FRMD4B: variants seen among roughly 807,000 people sequenced by gnomAD.
FRMD4B encodes the protein FERM domain-containing protein 4B.
Under a neutral mutation model 141.5 loss-of-function variants are expected in FRMD4B, and 74 were observed. That is an observed-to-expected ratio of 0.52 (90% confidence interval 0.43 to 0.63). The LOEUF is 0.63. Ranked by LOEUF, FRMD4B falls within the 30% of genes least tolerant of loss-of-function variation. The probability of loss-of-function intolerance (pLI) is 0.00; values close to 1 mark genes in which losing one functional copy is unlikely to be tolerated. For missense variants in FRMD4B, 1,366 were observed against 1,253.4 expected, an observed-to-expected ratio of 1.09 and a Z score of -1.36; for synonymous variants, 506 against 467.9, an observed-to-expected ratio of 1.08 and a Z score of -1.05.
chr3:69,366,501 G>T (rs950669498), intron 1 of FRMD4B, among the ~76,000 whole-genome samples: 5 of 119,848 alleles, frequency 4.2e-5, no homozygotes, highest in Non-Finnish European at 8.9e-5. Context: ...GGTAAGTATA[G>T]GGTGATCTCA....
chr3:69,527,605 C>T (rs941999318), intron 1 of FRMD4B, among the ~76,000 whole-genome samples: 2 of 152,170 alleles, frequency 1.3e-5, no homozygotes, highest in African/African-American at 4.8e-5. Context: ...TTTTAAAATA[C>T]AATGCTATTT....
chr3:69,470,938 T>C (rs1705878284), intron 1 of FRMD4B, among the ~76,000 whole-genome samples: 1 of 152,146 alleles, frequency 6.6e-6, no homozygotes, highest in African/African-American at 2.4e-5. Flanking sequence ...AACAATAGAA[T>C]TTAGTCAAAT....
At position 69,346,637 on chromosome 3, in the gene FRMD4B, C is replaced by A. The variant is rs572490640; in HGVS notation, c.163-33120G>T. ...ATCAGACTAATAGGGGATCTCTCGGCAGAAACTCTACAAGCCAGAAGAGAG... is the reference window on the plus strand; with the variant it reads ...ATCAGACTAATAGGGGATCTCTCGGAAGAAACTCTACAAGCCAGAAGAGAG... On this transcript the variant is annotated intron_variant, in intron 1 of 22. Coordinates refer to ENST00000398540, the MANE Select transcript of FRMD4B (RefSeq NM_015123.3). Among the ~76,000 whole-genome samples, 365 of 152,262 alleles carry A rather than the reference C, an allele frequency of 2.4e-3. 1 individual carries two copies. The highest frequency in any genetic ancestry group is 7.9e-3 in the African/African-American group (329 of 41,548).
At chr3:69,449,452 A>G (rs1002971017) in intron 1 of FRMD4B, among the ~76,000 whole-genome samples, 9 of 152,248 alleles carry the variant, frequency 5.9e-5, no homozygotes, top group Non-Finnish European at 2.9e-5. Context: ...TTGACTCTTA[A>G]ATAATCATCA....
chr3:69,349,633 C>T (rs928122769), intron 1 of FRMD4B, among the ~76,000 whole-genome samples: 15 of 151,968 alleles, frequency 9.9e-5, no homozygotes, highest in Non-Finnish European at 1.5e-4. Context: ...GAGATATAGA[C>T]CAATGGAACA....
intron 1 of FRMD4B, among the ~76,000 whole-genome samples, chr3:69,329,044 T>C (rs897952598): frequency 2.6e-5 from 4 of 152,182 alleles, no homozygotes; most frequent in African/African-American, 4.8e-5. Flanking sequence ...CTAAGAACTC[T>C]TGGGCTCTGG....
chr3:69,260,123 GCTCGCTCTCGGTGCCTC>G (rs1559758787), intron 5 of FRMD4B, among the ~76,000 whole-genome samples: 1 of 151,916 alleles, frequency 6.6e-6, no homozygotes, highest in Non-Finnish European at 1.5e-5. Flanking sequence ...AGCAGCCCTC[GCTCGCTCTCGGTGCCTC>G]CTTGGCCTCG....
chr3:69,448,865 T>C (rs1705448768), intron 1 of FRMD4B, among the ~76,000 whole-genome samples: 1 of 152,232 alleles, frequency 6.6e-6, no homozygotes, highest in African/African-American at 2.4e-5. Context: ...GTATATTCCT[T>C]GAATTTTTTT....
At chr3:69,359,065 A>G (rs558538309) in intron 1 of FRMD4B, among the ~76,000 whole-genome samples, 33 of 152,274 alleles carry the variant, frequency 2.2e-4, no homozygotes, top group African/African-American at 7.5e-4. Flanking sequence ...GAGTCTGGTA[A>G]ATTATGTAGC....
intron 1 of FRMD4B, among the ~76,000 whole-genome samples, chr3:69,528,182 A>G (rs1434790103): frequency 6.6e-6 from 1 of 152,104 alleles, no homozygotes; most frequent in Non-Finnish European, 1.5e-5. Flanking sequence ...AAAAAGGGCA[A>G]TTCTCATTGG....
chr3:69,266,779 AG>A, intron 5 of FRMD4B, among the ~76,000 whole-genome samples: 1 of 152,348 alleles, frequency 6.6e-6, no homozygotes, highest in South Asian at 2.1e-4. Flanking sequence ...TCACCACTGG[AG>A]GCCAAGATCA....
rs539485364 is a variant in FRMD4B at position 69,314,766 on chromosome 3, T to C, written c.163-1249A>G. 4.6e-5 allele frequency among the ~76,000 whole-genome samples: 7 copies of C among 152,126 alleles called. 1 individual carries two copies. The South Asian group carries it at 1.2e-3, about 27-fold the overall frequency. ...GGGAGAAACCCTTTGGCCTGGGAGG[T>C]TGAGGTTGCAGTAAGCTGAGATTGT... On this transcript the variant is annotated intron_variant, in intron 1 of 22. Coordinates refer to ENST00000398540, the MANE Select transcript of FRMD4B (RefSeq NM_015123.3).
intron 1 of FRMD4B, among the ~76,000 whole-genome samples, chr3:69,455,040 T>C (rs58675254): frequency 0.025 from 3,807 of 152,316 alleles, 121 homozygotes; most frequent in East Asian, 0.08. Context: ...AGAACCTTTA[T>C]GTCTAGCTAA....
At chr3:69,202,476 A>C (rs1341201337) in intron 11 of FRMD4B, among the ~76,000 whole-genome samples, 2 of 150,164 alleles carry the variant, frequency 1.3e-5, no homozygotes, top group Non-Finnish European at 3.0e-5. Context: ...ACTATTAGAG[A>C]CTTAAAAAAA....
chr3:69,367,764 T>C (rs1703710352), intron 1 of FRMD4B, among the ~76,000 whole-genome samples: 2 of 152,220 alleles, frequency 1.3e-5, no homozygotes, highest in South Asian at 2.1e-4. Flanking sequence ...TATGAAAATA[T>C]GAAAATCCTT....
chr3:69,448,099 G>A (rs894391817), intron 1 of FRMD4B, among the ~76,000 whole-genome samples: 3 of 150,920 alleles, frequency 2.0e-5, no homozygotes, highest in South Asian at 2.1e-4. Context: ...TTGCGATCTC[G>A]GATCACTGCA....
chr3:69,352,946 A>G (rs1255344938), intron 1 of FRMD4B, among the ~76,000 whole-genome samples: 3 of 152,204 alleles, frequency 2.0e-5, no homozygotes, highest in East Asian at 1.9e-4. Context: ...AGTGTTCACA[A>G]AAACAGGGAA....
At chr3:69,470,284 C>A (rs1020274724) in intron 1 of FRMD4B, among the ~76,000 whole-genome samples, 3 of 152,128 alleles carry the variant, frequency 2.0e-5, no homozygotes, top group African/African-American at 4.8e-5. Flanking sequence ...TTAAAGCATA[C>A]TCATGATGAG....
intron 5 of FRMD4B, among the ~76,000 whole-genome samples, chr3:69,281,987 A>G (rs906943065): frequency 6.6e-6 from 1 of 152,034 alleles, no homozygotes; most frequent in African/African-American, 2.4e-5. Flanking sequence ...CTTATTCTCT[A>G]TGCCGTATGG....
Sources: gnomAD v4.1 joint callset for allele counts (sites outside exome capture counted in the v4.1 genomes callset) on GRCh38, gnomAD v4.1.1 for gene constraint, MANE v1.5 for transcripts, NCBI Gene and HGNC (gene_info 2026-07-23, HGNC 2026-07-21) for gene names.